Variants in CATSPERE observed in about 807,000 individuals in gnomAD.
The protein encoded by CATSPERE is catsper channel auxiliary subunit epsilon.
CATSPERE carries 93 observed loss-of-function variants against 114.1 expected under a neutral mutation model. The ratio of observed to expected loss-of-function variants is 0.81; its 90% confidence interval spans 0.69 to 0.97. The LOEUF (loss-of-function observed/expected upper bound fraction) is 0.97, where lower values mean the gene tolerates loss of function less well. Among genes scored for constraint, CATSPERE ranks in the 50% least tolerant of loss-of-function variants. CATSPERE has a pLI of 0.00. For missense variants in CATSPERE, 1,058 were observed against 1,131.6 expected, an observed-to-expected ratio of 0.93 and a Z score of 0.93; for synonymous variants, 341 against 384.1, an observed-to-expected ratio of 0.89 and a Z score of 1.31.
chr1:244,612,195 G>T (rs1194790448), intron 19 of CATSPERE, among the ~76,000 whole-genome samples: 1 of 152,194 alleles, frequency 6.6e-6, no homozygotes, highest in Non-Finnish European at 1.5e-5. Flanking sequence ...GCAGGTACCT[G>T]CAAAGACTAG....
chr1:244,496,752 TAAAC>T (rs997080329), intron 6 of CATSPERE, among the ~76,000 whole-genome samples: 2 of 152,120 alleles, frequency 1.3e-5, no homozygotes, highest in African/African-American at 4.8e-5. Flanking sequence ...TGCTATGGAT[TAAAC>T]AAAAACAGTG....
At chr1:244,555,695 C>G (rs549730237) in intron 9 of CATSPERE, among the ~76,000 whole-genome samples, 2 of 152,122 alleles carry the variant, frequency 1.3e-5, no homozygotes, top group East Asian at 3.9e-4. Flanking sequence ...CTAAAGACTC[C>G]ACAAAAAATT....
intron 2 of CATSPERE, among the ~76,000 whole-genome samples, chr1:244,471,742 C>T (rs1030901290): frequency 1.3e-5 from 2 of 152,140 alleles, no homozygotes; most frequent in African/African-American, 4.8e-5. Flanking sequence ...GCTGAGTATT[C>T]ATTTGCATTC....
upstream of CATSPERE, chr1:244,451,597 C>G (rs754852056): frequency 1.3e-6 from 2 of 1,574,104 alleles, no homozygotes; most frequent in Non-Finnish European, 1.7e-6. This position sits in a 1 kb window ranked among gnomAD's most constrained non-coding sequence, Gnocchi z 6.6. Flanking sequence ...GCCCGAGCTC[C>G]CGGGCCCGGC....
intron 19 of CATSPERE, 95 bp from the exon 20 acceptor site, chr1:244,617,434 A>G (rs1402809836): frequency 1.1e-5 from 11 of 965,434 alleles, no homozygotes; most frequent in Non-Finnish European, 1.3e-5. Flanking sequence ...TAGCCATTAC[A>G]TCTCTAAATA....
chr1:244,464,550 T>C lies in CATSPERE; in HGVS notation c.114+594T>C, dbSNP rs573440747. ...TCCTGCTATATGTAGCCAAATAGAG[T>C]TGCCTGGCCATGGGAAATACACTTA... On this transcript the variant is annotated intron_variant, in intron 2 of 21. Coordinates refer to ENST00000366534, the MANE Select transcript of CATSPERE (RefSeq NM_001130957.2). Among the ~76,000 whole-genome samples the C allele has an allele frequency of 2.4e-4, 37 of 152,236 alleles. No individual in the cohort carries two copies. In the East Asian group the frequency reaches 7.1e-3, roughly 29 times the overall value.
chr1:244,479,027 T>TC (rs1458069633), intron 4 of CATSPERE, among the ~76,000 whole-genome samples: 2 of 21,702 alleles, frequency 9.2e-5, no homozygotes, highest in African/African-American at 5.1e-4. Flanking sequence ...AAACTTCGTC[T>TC]CAAAAAAAAA....
chr1:244,619,415 G>A (rs1671807055), intron 20 of CATSPERE, among the ~76,000 whole-genome samples: 1 of 152,192 alleles, frequency 6.6e-6, no homozygotes. Flanking sequence ...GTCACTAACA[G>A]AGAGGTCCTA....
At chr1:244,544,955 C>G (rs1659486934) in intron 8 of CATSPERE, among the ~76,000 whole-genome samples, 1 of 152,196 alleles carries the variant, frequency 6.6e-6, no homozygotes, top group Non-Finnish European at 1.5e-5. Flanking sequence ...AATACACCTT[C>G]AATGTCCTAC....
chr1:244,568,809 A>G lies in CATSPERE; in HGVS notation c.1508-3521A>G, dbSNP rs1663990321. 1.3e-5 allele frequency among the ~76,000 whole-genome samples: 2 copies of G among 152,134 alleles called. No homozygotes were observed. Among genetic ancestry groups the G allele is most frequent in the African/African-American group, 4.8e-5 (2 of 41,430 alleles). On this transcript the variant is annotated intron_variant, in intron 10 of 21. Coordinates refer to ENST00000366534, the MANE Select transcript of CATSPERE (RefSeq NM_001130957.2). This position sits in a 1 kb window ranked among gnomAD's most constrained non-coding sequence, Gnocchi z 4.4. The stretch of plus-strand genomic sequence containing the variant: ...GGGGTGGGATCCACTGAGCTAGACC[A>G]CTTGGCTCCCTGGCTTCAGCCCCCT...
chr1:244,628,438 A>G (rs1673480721), intron 20 of CATSPERE, among the ~76,000 whole-genome samples: 1 of 152,190 alleles, frequency 6.6e-6, no homozygotes, highest in Non-Finnish European at 1.5e-5. Context: ...GAAATAGGCT[A>G]ACCATATGGT....
chr1:244,522,990 C>T (rs1572546527), intron 8 of CATSPERE, among the ~76,000 whole-genome samples: 1 of 151,630 alleles, frequency 6.6e-6, no homozygotes, highest in South Asian at 2.1e-4. Context: ...CTTTATGAGG[C>T]CAGCATCATT....
chr1:244,543,395 A>G (rs1209971899), intron 8 of CATSPERE, among the ~76,000 whole-genome samples: 1 of 152,024 alleles, frequency 6.6e-6, no homozygotes, highest in African/African-American at 2.4e-5. Context: ...AGAAGGACAG[A>G]TACTGTATGA....
chr1:244,597,450 T>C (rs1489670121), intron 17 of CATSPERE, among the ~76,000 whole-genome samples: 1 of 151,998 alleles, frequency 6.6e-6, no homozygotes, highest in Non-Finnish European at 1.5e-5. Flanking sequence ...TTTCTTCATC[T>C]GGCTTCCAGA....
upstream of CATSPERE, among the ~76,000 whole-genome samples, chr1:244,459,123 G>C (rs555330696): frequency 6.0e-5 from 9 of 148,836 alleles, no homozygotes; most frequent in South Asian, 1.9e-3. Flanking sequence ...TCTGTCGCCA[G>C]GCTGGAGTTC....
chr1:244,596,613 T>C (rs1212075637), intron 17 of CATSPERE, among the ~76,000 whole-genome samples: 1 of 147,886 alleles, frequency 6.8e-6, no homozygotes, highest in Non-Finnish European at 1.5e-5. Flanking sequence ...CTGTCTGGGG[T>C]GGGGGGCAAG....
In CATSPERE at chr1:244,531,151, G is replaced by A. The variant is rs185590744; in HGVS notation, c.536+12453G>A. 6.7e-5 allele frequency among the ~76,000 whole-genome samples: 10 copies of A among 149,706 alleles called. 1 individual carries two copies. The highest frequency in any genetic ancestry group is 3.5e-3 in the Middle Eastern group (1 of 288). On this transcript the variant is annotated intron_variant, in intron 8 of 21. Transcript: ENST00000366534. ...CTCAGGAGGCCGAGGCAGGAGAATC[G>A]CTTAAATCCAGGAGGCGGAGGTTGC...
intron 21 of CATSPERE, among the ~76,000 whole-genome samples, chr1:244,637,498 A>C (rs189610301): frequency 6.6e-6 from 1 of 152,102 alleles, no homozygotes; most frequent in South Asian, 2.1e-4. Context: ...CAATCCAGAC[A>C]TCCCATTCTC....
chr1:244,499,380 T>C (rs897695400), intron 7 of CATSPERE, among the ~76,000 whole-genome samples: 1 of 152,170 alleles, frequency 6.6e-6, no homozygotes, highest in Non-Finnish European at 1.5e-5. Flanking sequence ...GAATGTGCAG[T>C]TTTGTCACAT....
Sources: allele counts gnomAD v4.1 joint callset (sites outside exome capture counted in the v4.1 genomes callset), GRCh38; gene constraint gnomAD v4.1.1; non-coding constraint Gnocchi (gnomAD v3.1); transcripts MANE v1.5; gene names NCBI Gene and HGNC (gene_info 2026-07-23, HGNC 2026-07-21).